The following CAMSAP2 variants were observed in gnomAD, a reference collection of about 807,000 sequenced individuals.
The protein encoded by CAMSAP2 is calmodulin regulated spectrin associated protein family member 2.
CAMSAP2 carries 26 observed loss-of-function variants against 146.1 expected under a neutral mutation model. The observed-to-expected ratio is 0.18, with a 90% CI of 0.13 to 0.25. The LOEUF (loss-of-function observed/expected upper bound fraction) is 0.25. Among genes scored for constraint, CAMSAP2 ranks in the 10% least tolerant of loss-of-function variants. CAMSAP2 has a pLI of 1.00. For synonymous variants in CAMSAP2, 499 were observed against 596.6 expected (o/e 0.84, Z 2.38); for missense variants, 1,381 against 1,759.3 (o/e 0.78, Z 3.85).
At chr1:200,768,777 C>T (rs1458450699) in intron 2 of CAMSAP2, among the ~76,000 whole-genome samples, 1 of 152,130 alleles carries the variant, frequency 6.6e-6, no homozygotes, top group Non-Finnish European at 1.5e-5. Flanking sequence ...CCTCAGCCTC[C>T]CAAGTAGCTG....
chr1:200,824,050 C>A (rs1234164708), intron 4 of CAMSAP2, among the ~76,000 whole-genome samples: 1 of 152,112 alleles, frequency 6.6e-6, no homozygotes, highest in African/African-American at 2.4e-5. Flanking sequence ...ATGCCCCAAT[C>A]CTTTTGTTTT....
chr1:200,816,788 G>C (rs1398913680), intron 4 of CAMSAP2, among the ~76,000 whole-genome samples: 2 of 111,232 alleles, frequency 1.8e-5, no homozygotes, highest in African/African-American at 7.3e-5. Flanking sequence ...GTATATATGT[G>C]TGTACACACA....
chr1:200,834,161 G>A (rs10753884), intron 6 of CAMSAP2, among the ~76,000 whole-genome samples: 44,035 of 151,868 alleles, frequency 0.29, 7,245 homozygotes, highest in Non-Finnish European at 0.39. Context: ...CGAGGAGTTC[G>A]AGACCAGCCT....
chr1:200,741,918 G>A (rs554611758), intron 1 of CAMSAP2, among the ~76,000 whole-genome samples: 1 of 152,290 alleles, frequency 6.6e-6, no homozygotes, highest in Non-Finnish European at 1.5e-5. Flanking sequence ...GCATAGAGAG[G>A]TTAACTTTCC....
chr1:200,749,837 G>A (rs897932500), intron 1 of CAMSAP2, among the ~76,000 whole-genome samples: 2 of 152,136 alleles, frequency 1.3e-5, no homozygotes, highest in African/African-American at 4.8e-5. Flanking sequence ...CAGACTGAAT[G>A]GATCACTGGC....
In CAMSAP2 at chr1:200,746,650, G is replaced by T. The variant is rs1664335104; in HGVS notation, c.139+6684G>T. On this transcript the variant is annotated intron_variant, in intron 1 of 16. Transcript: ENST00000358823. ...TTTTTTTTTTTTGAGACGGAGTCTT[G>T]CCCTGTCGCCCAGGCTGGAGTGCAG... 4.8e-5 allele frequency among the ~76,000 whole-genome samples: 7 copies of T among 146,286 alleles called. No individual in the cohort carries two copies. In the South Asian group the frequency reaches 1.3e-3, roughly 27 times the overall value.
chr1:200,799,205 C>T (rs1227122517), intron 2 of CAMSAP2, among the ~76,000 whole-genome samples: 2 of 152,132 alleles, frequency 1.3e-5, no homozygotes, highest in Non-Finnish European at 2.9e-5. Flanking sequence ...GGAGAAGTCC[C>T]TCTTTTTCTG....
At chr1:200,768,466 T>C (rs1357958906) in intron 2 of CAMSAP2, among the ~76,000 whole-genome samples, 1 of 152,122 alleles carries the variant, frequency 6.6e-6, no homozygotes, top group Non-Finnish European at 1.5e-5. Flanking sequence ...TACGTTATCC[T>C]GGAAGTGATG....
intron 3 of CAMSAP2, among the ~76,000 whole-genome samples, chr1:200,811,802 C>T (rs1297791084): frequency 1.3e-5 from 2 of 152,106 alleles, no homozygotes; most frequent in African/African-American, 4.8e-5. Flanking sequence ...TTTATCGTGG[C>T]CTGCAAGGTA....
intron 2 of CAMSAP2, among the ~76,000 whole-genome samples, chr1:200,775,993 A>C (rs1293806418): frequency 6.6e-6 from 1 of 152,170 alleles, no homozygotes; most frequent in East Asian, 1.9e-4. Flanking sequence ...AAAACAAAAA[A>C]AAAAAGAAAA....
intron 2 of CAMSAP2, among the ~76,000 whole-genome samples, chr1:200,781,860 T>C (rs2103022579): frequency 6.6e-6 from 1 of 152,312 alleles, no homozygotes; most frequent in African/African-American, 2.4e-5. Flanking sequence ...TTACATCATG[T>C]GTACTCTTGA....
At position 200,761,069 on chromosome 1, in the gene CAMSAP2, C is replaced by T. The variant is rs1313946856; in HGVS notation, c.370C>T (p.Arg124Ter). ...VTDQEKLVTE[R>*]DLHKKPIQMS... ...TGACCAGGAAAAATTGGTAACTGAA[C>T]GAGATCTCCACAAGAAACCCATACA... Residue 124 changes from arginine to a stop codon, truncating the protein, a stop_gained, in exon 2 of 17, where the codon CGA becomes TGA. Coordinates refer to ENST00000358823, the MANE Select transcript of CAMSAP2 (RefSeq NM_203459.4). LOFTEE classifies it high-confidence loss of function. The T allele has an allele frequency of 1.9e-6, 3 of 1,614,004 alleles. No individual in the cohort carries two copies. The highest frequency in any genetic ancestry group is 1.7e-6 in the Non-Finnish European group (2 of 1,179,964).
At chr1:200,818,679 C>T (rs1335769859) in intron 4 of CAMSAP2, among the ~76,000 whole-genome samples, 2 of 152,070 alleles carry the variant, frequency 1.3e-5, no homozygotes, top group Non-Finnish European at 2.9e-5. Context: ...TGGTCTGTTA[C>T]CTAACAATGG....
intron 2 of CAMSAP2, among the ~76,000 whole-genome samples, chr1:200,803,219 A>C (rs1378936439): frequency 6.6e-6 from 1 of 152,204 alleles, no homozygotes; most frequent in Non-Finnish European, 1.5e-5. Context: ...GAATCCCTAC[A>C]TCACTGCCTC....
chr1:200,782,301 A>G (rs1665455972), intron 2 of CAMSAP2, among the ~76,000 whole-genome samples: 1 of 152,194 alleles, frequency 6.6e-6, no homozygotes, highest in Admixed American at 6.5e-5. Context: ...TTACTTTTTA[A>G]AAAATCAACT....
chr1:200,856,213 C>G, intron 15 of CAMSAP2, 88 bp downstream of exon 15: 1 of 892,842 alleles, frequency 1.1e-6, no homozygotes, highest in East Asian at 2.5e-5. Context: ...ATTGGCTCAC[C>G]TTTGGGTCTT....
chr1:200,817,165 C>CACACACATATAA (rs375085196), intron 4 of CAMSAP2, among the ~76,000 whole-genome samples: 1 of 68,084 alleles, frequency 1.5e-5, no homozygotes, highest in South Asian at 5.9e-4. Flanking sequence ...CATACACACA[C>CACACACATATAA]GTGTGTGTAT....
At chr1:200,787,964 C>T (rs1330472221) in intron 2 of CAMSAP2, among the ~76,000 whole-genome samples, 1 of 152,146 alleles carries the variant, frequency 6.6e-6, no homozygotes, top group Non-Finnish European at 1.5e-5. Context: ...GTTTTTTAGA[C>T]ATAATGATAT....
chr1:200,760,808 G>A (rs779353182), intron 1 of CAMSAP2, 31 bp from the exon 2 acceptor site: 2 of 1,476,896 alleles, frequency 1.4e-6, no homozygotes, highest in Non-Finnish European at 9.2e-7. Flanking sequence ...TAAAAATCTT[G>A]TAAGAGAATT....
Sources: gnomAD v4.1 joint callset for allele counts (sites outside exome capture counted in the v4.1 genomes callset) on GRCh38, gnomAD v4.1.1 for gene constraint, MANE v1.5 for transcripts, NCBI Gene and HGNC (gene_info 2026-07-23, HGNC 2026-07-21) for gene names.